NELL1: variants seen among roughly 807,000 people sequenced by gnomAD.
The protein encoded by NELL1 is protein kinase C-binding protein NELL1.
Under a neutral mutation model 107.4 loss-of-function variants are expected in NELL1, and 76 were observed. That is an observed-to-expected ratio of 0.71 (90% CI 0.59 to 0.86). The LOEUF (loss-of-function observed/expected upper bound fraction) is 0.86. NELL1 is among the 40% of genes least tolerant of loss of function. The pLI is 0.00. For synonymous variants in NELL1, 353 were observed against 341.2 expected, an observed-to-expected ratio of 1.03 and a Z score of -0.38; for missense variants, 1,024 against 1,005.5, an observed-to-expected ratio of 1.02 and a Z score of -0.25.
intron 2 of NELL1, among the ~76,000 whole-genome samples, chr11:20,756,033 C>T (rs1188353405): frequency 6.6e-6 from 1 of 150,598 alleles, no homozygotes; most frequent in East Asian, 2.0e-4. Context: ...GCTGGGACTA[C>T]AGGTGCCCGC....
chr11:21,232,014 G>A (rs1858063475), intron 14 of NELL1, among the ~76,000 whole-genome samples: 2 of 151,282 alleles, frequency 1.3e-5, no homozygotes, highest in Admixed American at 1.3e-4. Context: ...TTAAAATTTG[G>A]TTAAGGCCAG....
chr11:21,237,190 C>A (rs1455404181), intron 14 of NELL1, among the ~76,000 whole-genome samples: 1 of 152,078 alleles, frequency 6.6e-6, no homozygotes, highest in African/African-American at 2.4e-5. Flanking sequence ...CCAGAACATT[C>A]AAATTGGGCA....
chr11:21,291,400 TAATAAGTTCTGAAA>T (rs1849258645), intron 14 of NELL1, among the ~76,000 whole-genome samples: 1 of 4,306 alleles, frequency 2.3e-4, no homozygotes, highest in African/African-American at 3.1e-4. Flanking sequence ...AATAGATCAA[TAATAAGTTCTGAAA>T]TTGAGATGAT....
intron 17 of NELL1, among the ~76,000 whole-genome samples, chr11:21,568,590 ACTTT>A (rs1426465267): frequency 1.3e-5 from 2 of 151,864 alleles, no homozygotes; most frequent in African/African-American, 4.8e-5. Flanking sequence ...AGTACAAAAT[ACTTT>A]CTTTATATTC....
At chr11:20,922,677 T>G (rs1850405299) in intron 7 of NELL1, among the ~76,000 whole-genome samples, 1 of 152,134 alleles carries the variant, frequency 6.6e-6, no homozygotes, top group Admixed American at 6.6e-5. Context: ...GCAGTTCCGA[T>G]TAAGATGGGT....
intron 2 of NELL1, among the ~76,000 whole-genome samples, chr11:20,690,100 G>A (rs572772468): frequency 3.0e-4 from 45 of 152,258 alleles, no homozygotes; most frequent in African/African-American, 9.1e-4. Context: ...AGAAGTGTCT[G>A]TTCATATCCT....
intron 2 of NELL1, among the ~76,000 whole-genome samples, chr11:20,716,983 T>C (rs899541790): frequency 6.6e-6 from 1 of 152,252 alleles, no homozygotes; most frequent in Non-Finnish European, 1.5e-5. Flanking sequence ...TAGATCTAGT[T>C]CATTAGTTTG....
At chr11:21,405,420 T>A (rs1428302635) in intron 15 of NELL1, among the ~76,000 whole-genome samples, 4 of 152,036 alleles carry the variant, frequency 2.6e-5, no homozygotes, top group Non-Finnish European at 4.4e-5. Flanking sequence ...GTTTATTATT[T>A]CAGATTTGTC....
At chr11:20,785,667 G>C (rs905916060) in intron 3 of NELL1, among the ~76,000 whole-genome samples, 1 of 152,204 alleles carries the variant, frequency 6.6e-6, no homozygotes, top group Admixed American at 6.5e-5. Context: ...TCTGATGGAG[G>C]CTGGAGTTCC....
intron 2 of NELL1, among the ~76,000 whole-genome samples, chr11:20,744,076 A>C (rs1855949069): frequency 6.6e-6 from 1 of 152,184 alleles, no homozygotes; most frequent in African/African-American, 2.4e-5. Context: ...ATCTTCAATT[A>C]GATCACATCT....
At chr11:20,765,455 C>G (rs774450557) in intron 2 of NELL1, among the ~76,000 whole-genome samples, 1 of 152,092 alleles carries the variant, frequency 6.6e-6, no homozygotes, top group Admixed American at 6.5e-5. Context: ...TAGGATAAGC[C>G]CAAAGAAGGA....
chr11:20,902,285 T>A (rs761209434), intron 5 of NELL1, among the ~76,000 whole-genome samples: 1 of 151,520 alleles, frequency 6.6e-6, no homozygotes, highest in Non-Finnish European at 1.5e-5. Flanking sequence ...CTTTTTTTTT[T>A]AACTCAATAG....
chr11:20,814,214 T>A (rs1857571552), intron 3 of NELL1, among the ~76,000 whole-genome samples: 2 of 152,164 alleles, frequency 1.3e-5, no homozygotes, highest in African/African-American at 4.8e-5. Context: ...CAGGATGGTC[T>A]CGATCTCCTG....
At chr11:20,865,467 C>T (rs1302777100) in intron 4 of NELL1, among the ~76,000 whole-genome samples, 3 of 152,162 alleles carry the variant, frequency 2.0e-5, no homozygotes, top group African/African-American at 2.4e-5. Context: ...ATTGGCTTCT[C>T]GGGAAACATT....
chr11:21,430,549 ATTGT>A (rs1852939763), intron 15 of NELL1, among the ~76,000 whole-genome samples: 1 of 152,220 alleles, frequency 6.6e-6, no homozygotes, highest in African/African-American at 2.4e-5. Context: ...TTAGGGAACT[ATTGT>A]TTGTTTGTTT....
chr11:20,846,652 T>A (rs1307519018), intron 3 of NELL1, among the ~76,000 whole-genome samples: 2 of 150,790 alleles, frequency 1.3e-5, no homozygotes, highest in Non-Finnish European at 2.9e-5. Flanking sequence ...GGTTTGGGTA[T>A]GTTTAATCCT....
intron 12 of NELL1, among the ~76,000 whole-genome samples, chr11:21,065,126 T>G (rs1853837291): frequency 1.3e-5 from 2 of 152,114 alleles, no homozygotes; most frequent in South Asian, 4.2e-4. Context: ...GTCTCTAAGG[T>G]TTTTATAGGC....
intron 1 of NELL1, among the ~76,000 whole-genome samples, chr11:20,674,170 A>G (rs979112888): frequency 6.6e-6 from 1 of 152,136 alleles, no homozygotes; most frequent in Admixed American, 6.5e-5. Context: ...GCGAATATAC[A>G]TGTCATATAT....
At chr11:20,742,143 G>A (rs1387972854) in intron 2 of NELL1, among the ~76,000 whole-genome samples, 2 of 152,172 alleles carry the variant, frequency 1.3e-5, no homozygotes, top group African/African-American at 4.8e-5. Context: ...AGTAAGAAGG[G>A]CTTCTTTTTC....
Sources: allele counts gnomAD v4.1 joint callset (sites outside exome capture counted in the v4.1 genomes callset), GRCh38; gene constraint gnomAD v4.1.1; transcripts MANE v1.5; gene names NCBI Gene and HGNC (gene_info 2026-07-23, HGNC 2026-07-21).